Variants in NKAIN2 observed in about 807,000 individuals in gnomAD.
NKAIN2 encodes the protein sodium/potassium-transporting ATPase subunit beta-1-interacting protein 2.
In NKAIN2, 14 loss-of-function variants were observed where a neutral mutation model predicts 32.6. The observed-to-expected ratio is 0.43, with a 90% CI of 0.28 to 0.67. The LOEUF (loss-of-function observed/expected upper bound fraction) is 0.67. NKAIN2 is among the 30% of genes least tolerant of loss of function. NKAIN2 has a pLI of 0.17. For synonymous variants in NKAIN2, 80 were observed against 87.2 expected (o/e 0.92, Z 0.46); for missense variants, 198 against 258.3 (o/e 0.77, Z 1.60).
chr6:124,698,552 A>C (rs1220910011), intron 4 of NKAIN2, among the ~76,000 whole-genome samples: 1 of 152,180 alleles, frequency 6.6e-6, no homozygotes, highest in Admixed American at 6.5e-5. Context: ...GTTTTGCATA[A>C]GTAGGCAGGC....
intron 1 of NKAIN2, among the ~76,000 whole-genome samples, chr6:124,115,028 G>A (rs934593551): frequency 4.6e-5 from 7 of 152,050 alleles, no homozygotes; most frequent in Non-Finnish European, 8.8e-5. Context: ...TTTTAAAAAT[G>A]TGTGTGTGTA....
At chr6:123,885,923 T>A (rs1773689700) in intron 1 of NKAIN2, among the ~76,000 whole-genome samples, 1 of 143,112 alleles carries the variant, frequency 7.0e-6, no homozygotes, top group Non-Finnish European at 1.5e-5. Flanking sequence ...GAATGAAAAA[T>A]CCAGGTGAGT....
At chr6:123,927,281 T>C (rs1403044870) in intron 1 of NKAIN2, among the ~76,000 whole-genome samples, 2 of 152,214 alleles carry the variant, frequency 1.3e-5, no homozygotes, top group Admixed American at 6.5e-5. Context: ...AAGTTTTTTG[T>C]AGTCTCATGC....
chr6:124,028,396 T>TG (rs1260855196), intron 1 of NKAIN2, among the ~76,000 whole-genome samples: 4 of 30,314 alleles, frequency 1.3e-4, no homozygotes, highest in East Asian at 1.1e-3. Context: ...CCACTTGAGG[T>TG]GGGGGGAGGG....
intron 1 of NKAIN2, among the ~76,000 whole-genome samples, chr6:123,996,502 AAGG>A (rs1779626750): frequency 6.6e-6 from 1 of 152,104 alleles, no homozygotes; most frequent in African/African-American, 2.4e-5. Context: ...AAACTACAAA[AAGG>A]AGCTCATGAT....
At chr6:124,334,865 C>T (rs1797804333) in intron 2 of NKAIN2, among the ~76,000 whole-genome samples, 1 of 152,104 alleles carries the variant, frequency 6.6e-6, no homozygotes, top group African/African-American at 2.4e-5. Flanking sequence ...AAATGAGTTC[C>T]TCCCAAAGTT....
chr6:124,039,957 T>C (rs1314104223), intron 1 of NKAIN2, among the ~76,000 whole-genome samples: 1 of 151,984 alleles, frequency 6.6e-6, no homozygotes, highest in Non-Finnish European at 1.5e-5. Flanking sequence ...TACACCTACA[T>C]GCACCTCCAT....
chr6:123,972,847 C>T (rs1318707526), intron 1 of NKAIN2, among the ~76,000 whole-genome samples: 1 of 152,060 alleles, frequency 6.6e-6, no homozygotes, highest in Non-Finnish European at 1.5e-5. Context: ...TAGATAAATA[C>T]AAAGTTGTTG....
chr6:124,413,286 G>A (rs560308245), intron 3 of NKAIN2, among the ~76,000 whole-genome samples: 15 of 152,204 alleles, frequency 9.9e-5, no homozygotes, highest in African/African-American at 2.6e-4. Flanking sequence ...AAGAATTGAC[G>A]TTCATTCTTT....
intron 4 of NKAIN2, among the ~76,000 whole-genome samples, chr6:124,659,304 T>C (rs1365220654): frequency 6.6e-6 from 1 of 152,150 alleles, no homozygotes; most frequent in African/African-American, 2.4e-5. Flanking sequence ...TTTACCTCTT[T>C]AGTTAATTAT....
intron 2 of NKAIN2, among the ~76,000 whole-genome samples, chr6:124,288,488 T>A (rs922153930): frequency 2.0e-5 from 3 of 152,230 alleles, no homozygotes; most frequent in African/African-American, 7.2e-5. Context: ...AATAACCTCA[T>A]GTTTCAAGAG....
At chr6:123,868,250 A>C (rs1231801758) in intron 1 of NKAIN2, among the ~76,000 whole-genome samples, 1 of 152,204 alleles carries the variant, frequency 6.6e-6, no homozygotes, top group African/African-American at 2.4e-5. Flanking sequence ...TGTCATATGC[A>C]TGTCTAACCC....
At chr6:124,587,276 G>T (rs573292518) in intron 3 of NKAIN2, among the ~76,000 whole-genome samples, 1 of 152,128 alleles carries the variant, frequency 6.6e-6, no homozygotes, top group South Asian at 2.1e-4. Flanking sequence ...TGTCTCCCAG[G>T]CTGGAGTGCA....
intron 1 of NKAIN2, among the ~76,000 whole-genome samples, chr6:124,163,538 T>C (rs1222322859): frequency 6.6e-6 from 1 of 151,882 alleles, no homozygotes; most frequent in Non-Finnish European, 1.5e-5. Flanking sequence ...ATCCCATCAT[T>C]AGAATTTTTC....
chr6:123,837,037 G>T (rs1774658388), intron 1 of NKAIN2, among the ~76,000 whole-genome samples: 1 of 151,978 alleles, frequency 6.6e-6, no homozygotes, highest in Non-Finnish European at 1.5e-5. Context: ...CATTCATATT[G>T]TAAAAGTAGC....
At chr6:124,454,114 G>A (rs911564607) in intron 3 of NKAIN2, among the ~76,000 whole-genome samples, 2 of 145,372 alleles carry the variant, frequency 1.4e-5, no homozygotes, top group Middle Eastern at 3.5e-3. Flanking sequence ...TTTGGGGGGG[G>A]GGGTTGCTGG....
chr6:124,129,405 G>A lies in NKAIN2; in HGVS notation c.55-153600G>A, dbSNP rs182344289. ...AGGACAGATGTGCCTACAAAGCTAT[G>A]GAGACCACAATAATATTTGAAAACA... On this transcript the variant is annotated intron_variant, in intron 1 of 6. Coordinates refer to ENST00000368417, the MANE Select transcript of NKAIN2 (RefSeq NM_001040214.3). 3.9e-5 allele frequency among the ~76,000 whole-genome samples: 6 copies of A among 152,238 alleles called. No individual in the cohort carries two copies. In the East Asian group the frequency reaches 1.2e-3, roughly 29 times the overall value.
intron 3 of NKAIN2, among the ~76,000 whole-genome samples, chr6:124,643,421 C>T (rs568728153): frequency 1.3e-5 from 2 of 152,264 alleles, no homozygotes; most frequent in Non-Finnish European, 2.9e-5. Context: ...CTTTCAGGTT[C>T]CAGCTAGAGT....
At chr6:124,468,821 C>T (rs936252769) in intron 3 of NKAIN2, among the ~76,000 whole-genome samples, 1 of 152,140 alleles carries the variant, frequency 6.6e-6, no homozygotes, top group African/African-American at 2.4e-5. Flanking sequence ...AACAAATACA[C>T]TAACATTTTG....
Sources: allele counts gnomAD v4.1 joint callset (sites outside exome capture counted in the v4.1 genomes callset), GRCh38; gene constraint gnomAD v4.1.1; transcripts MANE v1.5; gene names NCBI Gene and HGNC (gene_info 2026-07-23, HGNC 2026-07-21).